Variants in ADAM32 observed in about 807,000 individuals in gnomAD.
ADAM32 encodes disintegrin and metalloproteinase domain-containing protein 32.
ADAM32 carries 89 observed loss-of-function variants against 114.9 expected under a neutral mutation model. The ratio of observed to expected loss-of-function variants is 0.77; its 90% CI spans 0.65 to 0.92. The LOEUF (loss-of-function observed/expected upper bound fraction) is 0.92, where lower values mean the gene tolerates loss of function less well. Among genes scored for constraint, ADAM32 ranks in the 40% least tolerant of loss-of-function variants. The pLI, the probability that ADAM32 is intolerant of heterozygous loss-of-function variation, is 0.00. For missense variants in ADAM32, 870 were observed against 932.8 expected, an observed-to-expected ratio of 0.93 and a Z score of 0.88; for synonymous variants, 285 against 307.5, an observed-to-expected ratio of 0.93 and a Z score of 0.77.
intron 10 of ADAM32, among the ~76,000 whole-genome samples, chr8:39,172,236 T>A (rs979728300): frequency 2.0e-5 from 3 of 152,182 alleles, no homozygotes; most frequent in Non-Finnish European, 4.4e-5. Flanking sequence ...TTGGAATCTT[T>A]TACTACTTTT....
At position 39,113,295 on chromosome 8, in the gene ADAM32, G is replaced by A. The variant is rs143484772; in HGVS notation, c.59-4791G>A. Among the ~76,000 whole-genome samples, 4 of 152,316 alleles carry A rather than the reference G, an allele frequency of 2.6e-5. No homozygotes were observed. The East Asian group carries it at 5.8e-4, about 22-fold the overall frequency. ...TGCAGCCACATGAGTAACATTATGA[G>A]TGTCAGTGCAGTGGGTACTGCAGGG... On this transcript the variant is annotated intron_variant, in intron 1 of 24. Coordinates refer to ENST00000379907, the MANE Select transcript of ADAM32 (RefSeq NM_145004.7).
At chr8:39,136,742 G>C in intron 3 of ADAM32, 24 bp downstream of exon 3, 1 of 1,404,820 alleles carries the variant, frequency 7.1e-7, no homozygotes, top group Non-Finnish European at 9.6e-7. Context: ...CTTTAGTTTT[G>C]GATTTTATTT....
intron 21 of ADAM32, among the ~76,000 whole-genome samples, chr8:39,274,598 G>T (rs1035550207): frequency 1.6e-4 from 24 of 152,284 alleles, no homozygotes; most frequent in Middle Eastern, 3.4e-3. Context: ...AATGAGATAG[G>T]ACATGTATAA....
chr8:39,126,535 AT>A (rs1746005794), intron 2 of ADAM32, among the ~76,000 whole-genome samples: 3 of 152,176 alleles, frequency 2.0e-5, no homozygotes, highest in African/African-American at 7.2e-5. Flanking sequence ...TTGTATCCTG[AT>A]ACTTTGCTGA....
chr8:39,145,653 G>A (rs539060330), intron 3 of ADAM32, among the ~76,000 whole-genome samples: 2 of 152,030 alleles, frequency 1.3e-5, no homozygotes, highest in African/African-American at 4.8e-5. Flanking sequence ...TCAAGAAGGG[G>A]AATGTGGTCC....
At chr8:39,170,620 G>A (rs4481554) in intron 10 of ADAM32, among the ~76,000 whole-genome samples, 146,272 of 151,978 alleles carry the variant, frequency 0.96, 70,658 homozygotes, top group East Asian at 1. Flanking sequence ...CAAATTTGTT[G>A]AGTATATATA....
intron 11 of ADAM32, among the ~76,000 whole-genome samples, chr8:39,190,875 C>G (rs1806556357): frequency 6.6e-6 from 1 of 152,094 alleles, no homozygotes; most frequent in South Asian, 2.1e-4. Context: ...ATGTACTAAG[C>G]CTAGTACCCA....
intron 11 of ADAM32, among the ~76,000 whole-genome samples, chr8:39,191,501 C>T (rs1282747043): frequency 6.6e-6 from 1 of 152,126 alleles, no homozygotes; most frequent in African/African-American, 2.4e-5. Context: ...CTCAAATAAT[C>T]AGTGGTATGG....
chr8:39,238,498 CT>C, intron 16 of ADAM32, among the ~76,000 whole-genome samples: 1 of 152,306 alleles, frequency 6.6e-6, no homozygotes. Context: ...AAAAACAATT[CT>C]GGTAATATGA....
chr8:39,169,713 CAA>C (rs1390113006), intron 9 of ADAM32: 1 of 417,106 alleles, frequency 2.4e-6, no homozygotes, highest in Non-Finnish European at 4.2e-6. Flanking sequence ...TTTCAGATAT[CAA>C]GAGTGTTTAA....
intron 19 of ADAM32, 94 bp from the exon 20 acceptor site, chr8:39,270,782 G>A (rs770578596): frequency 4.5e-6 from 4 of 897,372 alleles, no homozygotes; most frequent in Non-Finnish European, 7.1e-6. Flanking sequence ...GTCTTATAAG[G>A]AGATAATACT....
intron 14 of ADAM32, among the ~76,000 whole-genome samples, chr8:39,226,754 T>A (rs1288208020): frequency 6.6e-6 from 1 of 152,276 alleles, no homozygotes. Context: ...CAATCTATCT[T>A]ACAACAAATG....
At chr8:39,190,515 C>T (rs1032466477) in intron 11 of ADAM32, among the ~76,000 whole-genome samples, 1 of 152,204 alleles carries the variant, frequency 6.6e-6, no homozygotes, top group Non-Finnish European at 1.5e-5. Flanking sequence ...CCACTGACAG[C>T]GTATGAGTTG....
intron 7 of ADAM32, among the ~76,000 whole-genome samples, chr8:39,161,742 A>T (rs1804520124): frequency 6.6e-6 from 1 of 152,162 alleles, no homozygotes. Flanking sequence ...AGTTAAGGTC[A>T]GGGACCAGGA....
chr8:39,125,190 A>C (rs1049860140), intron 2 of ADAM32, among the ~76,000 whole-genome samples: 2 of 151,610 alleles, frequency 1.3e-5, no homozygotes, highest in African/African-American at 4.9e-5. Context: ...TTTTTAATGG[A>C]GTTTTTTGTT....
Position 39,210,684 on chromosome 8 carries a change from A to G in ADAM32, c.1053-460A>G, listed in dbSNP as rs192166754. Among the ~76,000 whole-genome samples the G allele has an allele frequency of 3.0e-4, 45 of 152,334 alleles. No individual in the cohort carries two copies. The East Asian group carries it at 8.3e-3, about 28-fold the overall frequency. On this transcript the variant is annotated intron_variant, in intron 11 of 24. Coordinates refer to ENST00000379907, the MANE Select transcript of ADAM32 (RefSeq NM_145004.7). ...GGACTTCCTATGGAACTAGTCAATGAATTCTCTTTATTATTGGTATATGGA... is the reference window on the plus strand; with the variant it reads ...GGACTTCCTATGGAACTAGTCAATGGATTCTCTTTATTATTGGTATATGGA...
chr8:39,195,949 A>G (rs1454994518), intron 11 of ADAM32, among the ~76,000 whole-genome samples: 1 of 152,192 alleles, frequency 6.6e-6, no homozygotes, highest in Non-Finnish European at 1.5e-5. Context: ...TCATGATAAC[A>G]GTATTAATTT....
At chr8:39,187,519 C>T (rs1806325180) in intron 11 of ADAM32, among the ~76,000 whole-genome samples, 1 of 152,210 alleles carries the variant, frequency 6.6e-6, no homozygotes, top group East Asian at 1.9e-4. Flanking sequence ...GATCCGCCCG[C>T]CTCGGCCTCC....
chr8:39,185,921 G>A (rs1806208730), intron 10 of ADAM32, among the ~76,000 whole-genome samples: 1 of 151,708 alleles, frequency 6.6e-6, no homozygotes, highest in Non-Finnish European at 1.5e-5. Context: ...TCATTGTTTG[G>A]AGAGGGCTTC....
Sources: gnomAD v4.1 joint callset for allele counts (sites outside exome capture counted in the v4.1 genomes callset) on GRCh38, gnomAD v4.1.1 for gene constraint, MANE v1.5 for transcripts, NCBI Gene and HGNC (gene_info 2026-07-23, HGNC 2026-07-21) for gene names.